NMNAT3: variants seen among roughly 807,000 people sequenced by gnomAD.
NMNAT3 encodes nicotinamide/nicotinic acid mononucleotide adenylyltransferase 3.
In NMNAT3, 21 loss-of-function variants were observed where a neutral mutation model predicts 24.8. The ratio of observed to expected loss-of-function variants is 0.85; its 90% confidence interval spans 0.60 to 1.22. The LOEUF (loss-of-function observed/expected upper bound fraction) is 1.22. NMNAT3 is among the 50% of genes most tolerant of loss of function. The probability of loss-of-function intolerance (pLI) is 0.00; values close to 1 mark genes in which losing one functional copy is unlikely to be tolerated. For missense variants in NMNAT3, 387 were observed against 436.6 expected, an observed-to-expected ratio of 0.89 and a Z score of 1.01; for synonymous variants, 136 against 155.2, an observed-to-expected ratio of 0.88 and a Z score of 0.92.
chr3:139,564,958 G>A (rs1193932672), intron 6 of NMNAT3, among the ~76,000 whole-genome samples: 1 of 152,172 alleles, frequency 6.6e-6, no homozygotes, highest in East Asian at 1.9e-4. Context: ...AGTTTTTAGT[G>A]TATTTCCTTA....
chr3:139,579,197 G>T lies in NMNAT3; in HGVS notation c.392-142C>A, dbSNP rs551557007. Reference sequence around the variant, plus strand: ...TGGCATTCTCTCATGGGGGAGAAAGGGTAGCTCCCTTAGGCAAGGGTAAAG... The same window carrying T: ...TGGCATTCTCTCATGGGGGAGAAAGTGTAGCTCCCTTAGGCAAGGGTAAAG... On this transcript the variant is annotated intron_variant, in intron 4 of 6. Coordinates refer to ENST00000643695, the MANE Select transcript of NMNAT3 (RefSeq NM_001320510.2). 273 of 683,010 alleles carry T rather than the reference G, an allele frequency of 4.0e-4. 1 individual carries two copies. The highest frequency in any genetic ancestry group is 1.7e-3 in the South Asian group (89 of 53,056). The allele number at this position is 683,010 out of a possible 1,614,324, so 42.3% of individuals were successfully genotyped here.
rs143763331 is a variant in NMNAT3 at position 139,676,712 on chromosome 3, A to G, written c.-141+993T>C. On this transcript the variant is annotated intron_variant, in intron 1 of 6. Coordinates refer to ENST00000643695, the MANE Select transcript of NMNAT3 (RefSeq NM_001320510.2). ...AGCCAGGGTAAAGTGGGCGCCAGTT[A>G]AATGTTTCAAGAATGAACAACTAAA... 2.2e-3 allele frequency among the ~76,000 whole-genome samples: 341 copies of G among 152,334 alleles called. 2 individuals are homozygous for G. The highest frequency in any genetic ancestry group is 3.9e-3 in the Non-Finnish European group (262 of 68,028).
chr3:139,642,030 T>C (rs138709126), intron 1 of NMNAT3, among the ~76,000 whole-genome samples: 1 of 152,296 alleles, frequency 6.6e-6, no homozygotes, highest in East Asian at 1.9e-4. Context: ...TTCTCCCAGA[T>C]GATGAAAGAG....
At chr3:139,618,662 T>C (rs999722321) in intron 3 of NMNAT3, among the ~76,000 whole-genome samples, 1 of 152,236 alleles carries the variant, frequency 6.6e-6, no homozygotes, top group African/African-American at 2.4e-5. Context: ...GATTTACTTT[T>C]CTTAATGAAA....
intron 2 of NMNAT3, 107 bp downstream of exon 3, chr3:139,634,504 C>G (rs1011321594): frequency 6.6e-6 from 1 of 152,112 alleles, no homozygotes; most frequent in African/African-American, 2.4e-5. Flanking sequence ...GTGAGCGTGT[C>G]GACTTCTCTA....
intron 5 of NMNAT3, 76 bp from the exon 6 acceptor site, chr3:139,573,756 G>T: frequency 1.3e-6 from 1 of 761,418 alleles, no homozygotes; most frequent in Non-Finnish European, 2.1e-6. Flanking sequence ...TTCAGATTTT[G>T]TCTCAGCCTG....
intron 4 of NMNAT3, among the ~76,000 whole-genome samples, chr3:139,580,262 A>G (rs1939983248): frequency 6.9e-6 from 1 of 145,958 alleles, no homozygotes. Flanking sequence ...AGCTGAGACT[A>G]CAGGCATGCA....
intron 6 of NMNAT3, among the ~76,000 whole-genome samples, chr3:139,563,598 C>A (rs1936739795): frequency 6.6e-6 from 1 of 152,126 alleles, no homozygotes; most frequent in African/African-American, 2.4e-5. Context: ...ACCTCCCCTG[C>A]CCCCCAAATC....
In NMNAT3 at chr3:139,677,892, T is replaced by C. The variant is rs4549242; in HGVS notation, c.-328A>G. On this transcript the variant is annotated 5_prime_UTR_variant, in exon 1 of 7. Transcript: ENST00000643695. ...CGGCCCGGGCAGCCTCAGGTCTAGA[T>C]CCCCTAGTACCTGAGCTGGAGGCGG... 0.59 allele frequency: 90,376 copies of C among 151,914 alleles called. 27,125 individuals are homozygous for C. Among genetic ancestry groups the C allele is most frequent in the East Asian group, 0.77 (3,950 of 5,098 alleles). The allele number at this position is 151,914 out of a possible 1,614,324, so 9.4% of individuals were successfully genotyped here.
intron 2 of NMNAT3, among the ~76,000 whole-genome samples, chr3:139,631,763 C>T (rs1559932022): frequency 6.6e-6 from 1 of 152,088 alleles, no homozygotes; most frequent in Non-Finnish European, 1.5e-5. Context: ...GAAACGCCAT[C>T]CTGATGATCT....
chr3:139,597,098 A>ACAC (rs1447294522), intron 3 of NMNAT3, among the ~76,000 whole-genome samples: 1 of 151,682 alleles, frequency 6.6e-6, no homozygotes, highest in African/African-American at 2.4e-5. Context: ...CTTTCTAAGG[A>ACAC]CACAGTAACA....
chr3:139,628,454 C>T (rs980118863), intron 2 of NMNAT3, among the ~76,000 whole-genome samples: 1 of 152,188 alleles, frequency 6.6e-6, no homozygotes, highest in African/African-American at 2.4e-5. Context: ...AGAATGAATA[C>T]ACTTTGTTAC....
intron 2 of NMNAT3, among the ~76,000 whole-genome samples, chr3:139,630,250 T>C (rs922329856): frequency 5.9e-5 from 9 of 152,190 alleles, no homozygotes; most frequent in African/African-American, 4.8e-5. Flanking sequence ...ATGGCCACTG[T>C]AGCTACAACA....
rs546116220 is a variant in NMNAT3 at position 139,622,753 on chromosome 3, TATATATATC to T, written c.109+4854_109+4862del. On this transcript the variant is annotated intron_variant, in intron 3 of 6. Coordinates refer to ENST00000643695, the MANE Select transcript of NMNAT3 (RefSeq NM_001320510.2). ...CTGTCTCAAAAAAAAAGTGTGTGTG[TATATATATC>T]ATATATATCATATATATGATATATA... Among the ~76,000 whole-genome samples, 297 of 143,948 alleles carry T rather than the reference TATATATATC, an allele frequency of 2.1e-3. 2 individuals are homozygous for T. The highest frequency in any genetic ancestry group is 7.1e-3 in the African/African-American group (279 of 39,236). The allele number at this position is 143,948 out of a possible 152,430, so 94.4% of individuals were successfully genotyped here. A position where few individuals can be genotyped will look rare whatever the true frequency, so the allele number is the denominator to read the frequency against.
intron 1 of NMNAT3, among the ~76,000 whole-genome samples, chr3:139,654,813 A>G (rs1335596920): frequency 1.3e-5 from 2 of 152,272 alleles, no homozygotes; most frequent in Non-Finnish European, 2.9e-5. Flanking sequence ...CCCTTCATTC[A>G]GCAAACATCA....
chr3:139,632,541 C>T (rs1283558709), intron 2 of NMNAT3, among the ~76,000 whole-genome samples: 1 of 152,196 alleles, frequency 6.6e-6, no homozygotes, highest in East Asian at 1.9e-4. Context: ...AGAGTCCGTC[C>T]AGTTTCTCTA....
Position 139,561,003 on chromosome 3 carries a change from C to T in NMNAT3, c.*7G>A, listed in dbSNP as rs747341605. The T allele has an allele frequency of 4.4e-6, 7 of 1,605,410 alleles. No homozygotes were observed. In the Admixed American group the frequency reaches 6.7e-5, roughly 15 times the overall value. ...TGGAGGAGGTGTGGGTGCTGAGTCC[C>T]CCCTCCCTAGCTTGTCTTGCCCTCA... On this transcript the variant is annotated 3_prime_UTR_variant, in exon 7 of 7. Coordinates refer to ENST00000643695, the MANE Select transcript of NMNAT3 (RefSeq NM_001320510.2).
chr3:139,669,971 C>T (rs58852392), intron 1 of NMNAT3, among the ~76,000 whole-genome samples: 2,622 of 152,300 alleles, frequency 0.017, 73 homozygotes, highest in African/African-American at 0.06. Context: ...AGAAAACTAG[C>T]ATTCTGCCAC....
In NMNAT3 at chr3:139,560,675, C is replaced by A; in HGVS notation, c.*335G>T. Reference sequence around the variant, plus strand: ...GACCCTCAGGGGCCGCTGCCATGCTCAGAACTGCATTCAGCGTGCATGCCA... The same window carrying A: ...GACCCTCAGGGGCCGCTGCCATGCTAAGAACTGCATTCAGCGTGCATGCCA... On this transcript the variant is annotated 3_prime_UTR_variant, in exon 7 of 7. Transcript: ENST00000643695. The A allele has an allele frequency of 4.0e-6, 1 of 251,526 alleles. No homozygotes were observed. Among genetic ancestry groups the A allele is most frequent in the Non-Finnish European group, 7.7e-6 (1 of 130,556 alleles). 15.6% of individuals were successfully genotyped at this position (251,526 alleles called of 1,614,324 possible). A position where few individuals can be genotyped will look rare whatever the true frequency, so the allele number is the denominator to read the frequency against.
Sources: allele counts gnomAD v4.1 joint callset (sites outside exome capture counted in the v4.1 genomes callset), GRCh38; gene constraint gnomAD v4.1.1; transcripts MANE v1.5; gene names NCBI Gene and HGNC (gene_info 2026-07-23, HGNC 2026-07-21).